CFAP47: variants seen among roughly 807,000 people sequenced by gnomAD.
The protein encoded by CFAP47 is cilia- and flagella-associated protein 47.
Under a neutral mutation model 148.1 loss-of-function variants are expected in CFAP47, and 29 were observed. The observed-to-expected ratio is 0.20, with a 90% CI of 0.15 to 0.27. CFAP47 has a LOEUF of 0.27. Ranked by LOEUF, CFAP47 falls within the 10% of genes least tolerant of loss-of-function variation. CFAP47 has a pLI of 1.00. For missense variants in CFAP47, 1,872 were observed against 1,697.5 expected (o/e 1.10, Z -1.81); for synonymous variants, 664 against 577.3 (o/e 1.15, Z -2.15).
At chrX:36,224,626 G>A (rs1940250108) in intron 45 of CFAP47, among the ~76,000 whole-genome samples, 1 of 111,577 alleles carries the variant, frequency 9.0e-6, no homozygotes, top group Non-Finnish European at 1.9e-5. Flanking sequence ...TGTACTCTAT[G>A]AAAAATGATT....
intron 39 of CFAP47, among the ~76,000 whole-genome samples, chrX:36,165,732 A>G (rs1037702419): frequency 3.6e-5 from 4 of 111,865 alleles, no homozygotes; most frequent in Non-Finnish European, 5.6e-5. Context: ...TAGAAGTCCA[A>G]GATTAAAACA....
At position 36,002,435 on chromosome X, in the gene CFAP47, A is replaced by C. The variant is rs762708488; in HGVS notation, c.3417+728A>C. ...AACCCCATCTCTACTAAAAGTACAAAAATTAGTGTGGTGGCAGGCGCCTGT... is the reference window on the plus strand; with the variant it reads ...AACCCCATCTCTACTAAAAGTACAACAATTAGTGTGGTGGCAGGCGCCTGT... On this transcript the variant is annotated intron_variant, in intron 21 of 63. Transcript: ENST00000378653. 2.7e-5 allele frequency among the ~76,000 whole-genome samples: 3 copies of C among 111,258 alleles called. No individual in the cohort carries two copies. In the South Asian group the frequency reaches 1.1e-3, roughly 43 times the overall value.
chrX:36,319,296 G>C lies in CFAP47; in HGVS notation c.8432G>C (p.Ser2811Thr). 1 of 1,045,590 alleles carries C rather than the reference G, an allele frequency of 9.6e-7. No individual in the cohort carries two copies. The highest frequency in any genetic ancestry group is 1.3e-6 in the Non-Finnish European group (1 of 774,914). 86.2% of individuals were successfully genotyped at this position (1,045,590 alleles called of 1,213,427 possible). Residue 2811 changes from serine to threonine, a missense_variant, in exon 57 of 64, where the codon AGT becomes ACT. Physicochemically the swap from Ser to Thr is moderately conservative, Grantham distance 58. Transcript: ENST00000378653. ...ESSAFRFSSP[S>T]EIQGIALPPK... is the part of the protein sequence containing the mutation. ...TCTGCCTTCAGATTTAGTTCTCCGA[G>C]TGAAATACAAGGTACAGGATTTCTA... is the stretch of plus-strand genomic sequence containing the variant.
intron 46 of CFAP47, among the ~76,000 whole-genome samples, chrX:36,229,927 A>G (rs1459909238): frequency 2.9e-5 from 3 of 103,091 alleles, no homozygotes; most frequent in African/African-American, 1.1e-4. Flanking sequence ...ATGTCCCTAC[A>G]AAGGACATGA....
In CFAP47 at chrX:35,948,338, G is replaced by A. The variant is rs1400616865; in HGVS notation, c.542G>A (p.Gly181Asp). The A allele has an allele frequency of 3.3e-6, 4 of 1,201,175 alleles. No homozygotes were observed. In the East Asian group the frequency reaches 1.2e-4, roughly 36 times the overall value. Residue 181 changes from glycine (G) to aspartate (D), a missense_variant, in exon 4 of 64, where the codon GGC becomes GAC. Coordinates refer to ENST00000378653, the MANE Select transcript of CFAP47 (RefSeq NM_001304548.2). ...APGIFKAEYH[G>D]QLPILIFPTS... ...GGCATATTTAAGGCAGAATACCACG[G>A]CCAATTACCCATCCTCATTTTTCCA...
Position 35,970,486 on chromosome X carries a change from C to T in CFAP47, c.1815-282C>T, listed in dbSNP as rs187124160. ...ATCTAGCAGTGTCCAAATTGCCTAA[C>T]TGACTAATTCTTCAAAGATGGATTT... On this transcript the variant is annotated intron_variant, in intron 10 of 63. Transcript: ENST00000378653. Among the ~76,000 whole-genome samples the T allele has an allele frequency of 5.7e-4, 64 of 111,314 alleles. No homozygotes were observed. The Admixed American group carries it at 5.9e-3, about 10-fold the overall frequency.
chrX:36,026,920 C>T lies in CFAP47; in HGVS notation c.3557-4333C>T, dbSNP rs149148060. ...ATAATTTTTCTTCAAAATTTTGAAA[C>T]TATGGTTATTGTCTTCTATCTTCTC... On this transcript the variant is annotated intron_variant, in intron 22 of 63. Coordinates refer to ENST00000378653, the MANE Select transcript of CFAP47 (RefSeq NM_001304548.2). Among the ~76,000 whole-genome samples, 588 of 108,753 alleles carry T rather than the reference C, an allele frequency of 5.4e-3. 5 individuals are homozygous for T. Among genetic ancestry groups the T allele is most frequent in the African/African-American group, 0.019 (562 of 30,156 alleles). 94.4% of individuals were successfully genotyped at this position (108,753 alleles called of 115,157 possible). A position where few individuals can be genotyped will look rare whatever the true frequency, so the allele number is the denominator to read the frequency against.
intron 29 of CFAP47, among the ~76,000 whole-genome samples, chrX:36,082,562 CTTA>C (rs756053224): frequency 7.4e-4 from 83 of 111,701 alleles, no homozygotes; most frequent in African/African-American, 2.5e-3. Context: ...GGAAGTCCCA[CTTA>C]TTCTGAGAGA....
chrX:36,189,731 T>A (rs1266216402), intron 41 of CFAP47, among the ~76,000 whole-genome samples: 1 of 112,335 alleles, frequency 8.9e-6, no homozygotes, highest in Admixed American at 9.5e-5. Flanking sequence ...TTGTACCCTG[T>A]GAAACATTGC....
At chrX:36,354,653 C>T (rs184888694) in intron 60 of CFAP47, among the ~76,000 whole-genome samples, 28 of 110,546 alleles carry the variant, frequency 2.5e-4, no homozygotes, top group Admixed American at 2.5e-3. Context: ...CAAACACCCA[C>T]AAACACACCA....
At chrX:36,088,620 T>C (rs1386188298) in intron 30 of CFAP47, among the ~76,000 whole-genome samples, 1 of 110,852 alleles carries the variant, frequency 9.0e-6, no homozygotes, top group African/African-American at 3.3e-5. Flanking sequence ...TAGAACCAAA[T>C]TTTTGACACC....
At chrX:36,302,639 G>A (rs1941308526) in intron 53 of CFAP47, among the ~76,000 whole-genome samples, 1 of 111,999 alleles carries the variant, frequency 8.9e-6, no homozygotes, top group Admixed American at 9.5e-5. Flanking sequence ...AAGATGACAA[G>A]CTGGATGCTG....
At chrX:35,987,091 C>T (rs908322706) in intron 15 of CFAP47, among the ~76,000 whole-genome samples, 3 of 111,569 alleles carry the variant, frequency 2.7e-5, no homozygotes, top group African/African-American at 6.5e-5. Context: ...GGTCAGAGAC[C>T]CACTTGAGGA....
In CFAP47 at chrX:36,138,060, GA is replaced by G. The variant is rs758057732; in HGVS notation, c.5418+6del. Reference sequence around the variant, plus strand: ...GGAGCCTATTGCCCATTCTTGGTAAGAGTCGTTTTTATGCATAATGATCTTC... The same window carrying G: ...GGAGCCTATTGCCCATTCTTGGTAAGGTCGTTTTTATGCATAATGATCTTC... On this transcript the variant is annotated splice_donor_region_variant and intron_variant, in intron 34 of 63. Transcript: ENST00000378653. 3.1e-5 allele frequency: 24 copies of G among 779,419 alleles called. No homozygotes were observed. The highest frequency in any genetic ancestry group is 4.6e-5 in the Non-Finnish European group (24 of 518,766). 64.2% of individuals were successfully genotyped at this position (779,419 alleles called of 1,213,427 possible).
At chrX:36,180,716 A>G (rs1425048332) in intron 40 of CFAP47, among the ~76,000 whole-genome samples, 2 of 112,284 alleles carry the variant, frequency 1.8e-5, no homozygotes, top group African/African-American at 3.2e-5. Context: ...TCTGTGAGAA[A>G]AGTTATTAAA....
At chrX:35,964,618 C>G (rs1260771664) in intron 8 of CFAP47, among the ~76,000 whole-genome samples, 5 of 110,804 alleles carry the variant, frequency 4.5e-5, no homozygotes, top group Non-Finnish European at 9.5e-5. Flanking sequence ...ATGATGTCCC[C>G]AAAGTCTCTG....
At chrX:36,007,177 G>T (rs1336652082) in intron 21 of CFAP47, among the ~76,000 whole-genome samples, 4 of 112,168 alleles carry the variant, frequency 3.6e-5, no homozygotes, top group Non-Finnish European at 5.6e-5. Flanking sequence ...AGGGAGAATT[G>T]TTCATGCTTT....
chrX:35,973,184 CATTTATTT>C (rs745981962), intron 13 of CFAP47, among the ~76,000 whole-genome samples: 1 of 111,007 alleles, frequency 9.0e-6, no homozygotes, highest in African/African-American at 3.3e-5. Context: ...ATTCTTTACC[CATTTATTT>C]ATTTATTTAT....
chrX:35,967,028 C>T (rs952292463), intron 9 of CFAP47, among the ~76,000 whole-genome samples: 6 of 110,410 alleles, frequency 5.4e-5, no homozygotes, highest in African/African-American at 2.0e-4. Context: ...GCTTACATCC[C>T]AGCAATGATT....
Sources: allele counts gnomAD v4.1 joint callset (sites outside exome capture counted in the v4.1 genomes callset), GRCh38; gene constraint gnomAD v4.1.1; transcripts MANE v1.5; gene names NCBI Gene and HGNC (gene_info 2026-07-23, HGNC 2026-07-21).